PGGT1B: variants seen among roughly 807,000 people sequenced by gnomAD.
PGGT1B encodes the protein protein geranylgeranyltransferase type I subunit beta, also known as geranylgeranyl transferase type-1 subunit beta.
A neutral mutation model predicts 46.1 loss-of-function variants in PGGT1B; 30 were observed. The ratio of observed to expected loss-of-function variants is 0.65; its 90% CI spans 0.49 to 0.88. The LOEUF (loss-of-function observed/expected upper bound fraction) is 0.88. Among genes scored for constraint, PGGT1B ranks in the 40% least tolerant of loss-of-function variants. The pLI, the probability that PGGT1B is intolerant of heterozygous loss-of-function variation, is 0.00. For missense variants in PGGT1B, 376 were observed against 455.9 expected, an observed-to-expected ratio of 0.82 and a Z score of 1.60; for synonymous variants, 170 against 160.0, an observed-to-expected ratio of 1.06 and a Z score of -0.47.
At chr5:115,231,231 C>G (rs963177451) in intron 5 of PGGT1B, among the ~76,000 whole-genome samples, 1 of 151,962 alleles carries the variant, frequency 6.6e-6, no homozygotes, top group Admixed American at 6.6e-5. Context: ...AGCCAAATCA[C>G]TAAATGCATA....
intron 6 of PGGT1B, among the ~76,000 whole-genome samples, chr5:115,223,926 T>G (rs753602258): frequency 2.6e-5 from 4 of 152,202 alleles, no homozygotes; most frequent in Non-Finnish European, 4.4e-5. Context: ...CTAATACATC[T>G]CATGCCTTAA....
intron 2 of PGGT1B, among the ~76,000 whole-genome samples, chr5:115,244,480 A>AAG (rs748405755): frequency 0.11 from 15,513 of 136,160 alleles, 1,860 homozygotes; most frequent in African/African-American, 0.26. Flanking sequence ...AAAAAAAAAA[A>AAG]AAAAAAAAAA....
chr5:115,232,412 T>TAA (rs1757021111), intron 5 of PGGT1B, among the ~76,000 whole-genome samples: 2 of 152,010 alleles, frequency 1.3e-5, no homozygotes, highest in Non-Finnish European at 2.9e-5. Context: ...AAACTTAGAT[T>TAA]GTGGTCATTT....
intron 1 of PGGT1B, among the ~76,000 whole-genome samples, chr5:115,253,980 G>C (rs1748208404): frequency 6.6e-6 from 1 of 151,982 alleles, no homozygotes; most frequent in Non-Finnish European, 1.5e-5. Context: ...TTGAGAAGCA[G>C]TCTCTAGTAT....
intron 1 of PGGT1B, among the ~76,000 whole-genome samples, chr5:115,261,805 C>A (rs762121692): frequency 6.6e-6 from 1 of 152,208 alleles, no homozygotes; most frequent in Admixed American, 6.5e-5. Context: ...TCTATATACT[C>A]CTATGAACAC....
intron 6 of PGGT1B, among the ~76,000 whole-genome samples, chr5:115,228,703 A>G (rs4705731): frequency 0.097 from 14,751 of 152,162 alleles, 1,324 homozygotes; most frequent in East Asian, 0.48. Context: ...AACTGAGGTA[A>G]AGAAGTGACA....
At chr5:115,234,489 TA>T (rs1757112060) in intron 5 of PGGT1B, among the ~76,000 whole-genome samples, 1 of 151,758 alleles carries the variant, frequency 6.6e-6, no homozygotes, top group Non-Finnish European at 1.5e-5. Context: ...ACATATTAAG[TA>T]AATAAATAAA....
At chr5:115,218,253 T>C (rs916816375) in intron 7 of PGGT1B, among the ~76,000 whole-genome samples, 1 of 151,472 alleles carries the variant, frequency 6.6e-6, no homozygotes, top group East Asian at 1.9e-4. Flanking sequence ...TCCACAAGAA[T>C]TAAAACATTT....
intron 8 of PGGT1B, among the ~76,000 whole-genome samples, chr5:115,213,617 C>G (rs1233901192): frequency 2.0e-5 from 3 of 152,026 alleles, no homozygotes; most frequent in Non-Finnish European, 2.9e-5. Flanking sequence ...ACAAAAAATA[C>G]AAAAATTACC....
chr5:115,215,177 T>C (rs1001166205), intron 8 of PGGT1B, among the ~76,000 whole-genome samples: 47 of 152,294 alleles, frequency 3.1e-4, no homozygotes, highest in African/African-American at 1.1e-3. Flanking sequence ...TTTGTATTTT[T>C]GGTAGAGACG....
chr5:115,256,115 T>G (rs971922947), intron 1 of PGGT1B, among the ~76,000 whole-genome samples: 1 of 152,184 alleles, frequency 6.6e-6, no homozygotes, highest in African/African-American at 2.4e-5. Context: ...GGTTCTCTAC[T>G]GGGAACACTG....
intron 7 of PGGT1B, among the ~76,000 whole-genome samples, chr5:115,220,108 T>C (rs1278412451): frequency 6.6e-6 from 1 of 151,738 alleles, no homozygotes. Context: ...ACAGTACCCC[T>C]GAAAAATGAA....
At chr5:115,262,574 G>T in intron 1 of PGGT1B, 138 bp downstream of exon 1, 1 of 942,020 alleles carries the variant, frequency 1.1e-6, no homozygotes, top group Non-Finnish European at 1.6e-6. Flanking sequence ...GTAACCTCAA[G>T]CCCACTTGAA....
intron 2 of PGGT1B, among the ~76,000 whole-genome samples, chr5:115,243,539 AGAT>A (rs564508959): frequency 2.6e-4 from 40 of 152,224 alleles, no homozygotes; most frequent in Non-Finnish European, 5.3e-4. Context: ...GAATGGTGTG[AGAT>A]GATATGAATA....
rs886718039 is a variant in PGGT1B at position 115,258,630 on chromosome 5, G to GCAA, written c.140+4079_140+4081dup. ...GCTTTATTCTTCTTATTGTCCATTT[G>GCAA]CAACAACAACAACAACAAAACACTG... is the stretch of plus-strand genomic sequence containing the variant. On this transcript the variant is annotated intron_variant, in intron 1 of 8. Transcript: ENST00000419445. 7.9e-5 allele frequency among the ~76,000 whole-genome samples: 12 copies of GCAA among 152,106 alleles called. 1 individual carries two copies. The highest frequency in any genetic ancestry group is 2.0e-4 in the Admixed American group (3 of 15,274).
chr5:115,213,990 T>C (rs1756328787), intron 8 of PGGT1B, among the ~76,000 whole-genome samples: 1 of 152,210 alleles, frequency 6.6e-6, no homozygotes, highest in Non-Finnish European at 1.5e-5. Flanking sequence ...AGGTTTCTTC[T>C]GGCTCACTTT....
In PGGT1B at chr5:115,205,785, G is replaced by T. The variant is rs1217682086; in HGVS notation, c.*6617C>A. Reference sequence around the variant, plus strand: ...TACAACCTTCTTAAAAAGCAGCTTGGCAAAAACAAAAACATCAAATTTAAA... The same window carrying T: ...TACAACCTTCTTAAAAAGCAGCTTGTCAAAAACAAAAACATCAAATTTAAA... On this transcript the variant is annotated 3_prime_UTR_variant, in exon 9 of 9. Coordinates refer to ENST00000419445, the MANE Select transcript of PGGT1B (RefSeq NM_005023.4). 1 of 151,858 alleles carries T rather than the reference G, an allele frequency of 6.6e-6. No homozygotes were observed. Among genetic ancestry groups the T allele is most frequent in the African/African-American group, 2.4e-5 (1 of 41,360 alleles). The allele number at this position is 151,858 out of a possible 1,614,324, so 9.4% of individuals were successfully genotyped here. A position where few individuals can be genotyped will look rare whatever the true frequency, so the allele number is the denominator to read the frequency against.
chr5:115,241,567 T>C lies in PGGT1B; in HGVS notation c.299A>G (p.Tyr100Cys). 3.1e-6 allele frequency: 5 copies of C among 1,608,802 alleles called. No homozygotes were observed. The highest frequency in any genetic ancestry group is 4.2e-6 in the Non-Finnish European group (5 of 1,177,262). Residue 100 changes from tyrosine to cysteine, a missense_variant, in exon 3 of 9, where the codon TAC becomes TGC. Coordinates refer to ENST00000419445, the MANE Select transcript of PGGT1B (RefSeq NM_005023.4). ...LNRCGFRGSS[Y>C]LGIPFNPSKA... The stretch of plus-strand genomic sequence containing the variant: ...TGATGGATTGAACGGAATACCCAGG[T>C]ATGAAGAGCCTCGGAAACCACAGCG...
At chr5:115,258,271 T>C (rs1266003719) in intron 1 of PGGT1B, among the ~76,000 whole-genome samples, 1 of 152,184 alleles carries the variant, frequency 6.6e-6, no homozygotes, top group Non-Finnish European at 1.5e-5. Flanking sequence ...CAGATAGCAG[T>C]TCCAATTCAA....
Sources: gnomAD v4.1 joint callset for allele counts (sites outside exome capture counted in the v4.1 genomes callset) on GRCh38, gnomAD v4.1.1 for gene constraint, MANE v1.5 for transcripts, NCBI Gene and HGNC (gene_info 2026-07-23, HGNC 2026-07-21) for gene names.